CA10: variants seen among roughly 807,000 people sequenced by gnomAD.
CA10 encodes the protein carbonic anhydrase 10 (inactive), also known as carbonic anhydrase-related protein 10.
In CA10, 14 loss-of-function variants were observed where a neutral mutation model predicts 44.2. That is an observed-to-expected ratio of 0.32 (90% CI 0.21 to 0.50). The LOEUF (loss-of-function observed/expected upper bound fraction) is 0.50. Among genes scored for constraint, CA10 ranks in the 20% least tolerant of loss-of-function variants. The pLI is 0.99. For missense variants in CA10, 350 were observed against 409.7 expected (o/e 0.85, Z 1.26); for synonymous variants, 159 against 141.6 (o/e 1.12, Z -0.87).
At chr17:51,754,543 G>GT (rs935326637) in intron 3 of CA10, among the ~76,000 whole-genome samples, 15 of 150,848 alleles carry the variant, frequency 9.9e-5, no homozygotes, top group African/African-American at 2.4e-5. Flanking sequence ...AGCTGATGCT[G>GT]TAGTTTACCT....
At chr17:51,881,046 G>A (rs1980344172) in intron 3 of CA10, among the ~76,000 whole-genome samples, 1 of 151,808 alleles carries the variant, frequency 6.6e-6, no homozygotes, top group Non-Finnish European at 1.5e-5. Context: ...GACCATCCTG[G>A]CTAATACGGT....
chr17:51,746,524 C>A, intron 4 of CA10, among the ~76,000 whole-genome samples: 1 of 152,192 alleles, frequency 6.6e-6, no homozygotes, highest in Non-Finnish European at 1.5e-5. Flanking sequence ...TCTCCTGACC[C>A]CTTCAAGCAA....
intron 4 of CA10, among the ~76,000 whole-genome samples, chr17:51,668,254 C>CA (rs1914279903): frequency 6.6e-6 from 1 of 152,206 alleles, no homozygotes; most frequent in Non-Finnish European, 1.5e-5. Flanking sequence ...ATGCCAGCTA[C>CA]TGTACCAGGG....
chr17:51,760,400 A>G (rs1905187206), intron 3 of CA10, among the ~76,000 whole-genome samples: 1 of 152,198 alleles, frequency 6.6e-6, no homozygotes, highest in Admixed American at 6.5e-5. Context: ...AGACAGCCAC[A>G]GTGGTCAGCA....
intron 2 of CA10, among the ~76,000 whole-genome samples, chr17:51,978,337 G>GAAATA (rs1285382759): frequency 1.3e-5 from 2 of 151,814 alleles, no homozygotes; most frequent in East Asian, 3.9e-4. Flanking sequence ...TAAGAGCCCA[G>GAAATA]AAATAGATCC....
At chr17:51,804,653 G>A (rs1047578860) in intron 3 of CA10, among the ~76,000 whole-genome samples, 17 of 152,152 alleles carry the variant, frequency 1.1e-4, no homozygotes, top group African/African-American at 4.1e-4. Context: ...GCACCAAAGA[G>A]AACAAATGAA....
chr17:52,035,496 CA>C (rs1986590967), intron 2 of CA10, among the ~76,000 whole-genome samples: 3 of 152,052 alleles, frequency 2.0e-5, no homozygotes, highest in African/African-American at 7.2e-5. Flanking sequence ...AGTGTAGATA[CA>C]AAAAGCTGTC....
At chr17:51,781,736 C>T (rs1906068329) in intron 3 of CA10, among the ~76,000 whole-genome samples, 1 of 152,212 alleles carries the variant, frequency 6.6e-6, no homozygotes, top group African/African-American at 2.4e-5. Flanking sequence ...TTAAGTCCCA[C>T]CTTTATCCCT....
chr17:51,810,163 G>A (rs1020803224), intron 3 of CA10, among the ~76,000 whole-genome samples: 2 of 152,050 alleles, frequency 1.3e-5, no homozygotes, highest in Non-Finnish European at 2.9e-5. Context: ...GATCAACATT[G>A]GTTATGTTTC....
intron 3 of CA10, among the ~76,000 whole-genome samples, chr17:51,897,717 G>A (rs1598106222): frequency 6.6e-6 from 1 of 152,072 alleles, no homozygotes. Flanking sequence ...GTTCCCATTT[G>A]TTTTTGTCAT....
In CA10 at chr17:51,823,502, G is replaced by T. The variant is rs146476428; in HGVS notation, c.280-75684C>A. Among the ~76,000 whole-genome samples the T allele has an allele frequency of 1.3e-3, 195 of 152,224 alleles. 1 individual carries two copies. Among genetic ancestry groups the T allele is most frequent in the African/African-American group, 4.2e-3 (176 of 41,524 alleles). On this transcript the variant is annotated intron_variant, in intron 3 of 8. Transcript: ENST00000451037. ...CATTTTTACTCTCTTCTGCATATCT[G>T]GGTTCTCCTCTGTTCTCTCGGGAAG...
At chr17:51,675,532 G>A (rs1914594153) in intron 4 of CA10, among the ~76,000 whole-genome samples, 1 of 140,272 alleles carries the variant, frequency 7.1e-6, no homozygotes, top group South Asian at 2.4e-4. Flanking sequence ...CTGGGTGACA[G>A]AGTAAGACTC....
At chr17:52,072,158 A>G (rs1418371956) in intron 2 of CA10, among the ~76,000 whole-genome samples, 161 bp downstream of exon 2, 1 of 152,238 alleles carries the variant, frequency 6.6e-6, no homozygotes, top group Non-Finnish European at 1.5e-5. Flanking sequence ...AAAAAAAGTA[A>G]TCTAATTGCC....
rs1984612010 is a variant in CA10, at chr17:51,980,347, T to A, written c.137-49215A>T. Among the ~76,000 whole-genome samples, 3 of 152,284 alleles carry A rather than the reference T, an allele frequency of 2.0e-5. No individual in the cohort carries two copies. The South Asian group carries it at 6.2e-4, about 32-fold the overall frequency. On this transcript the variant is annotated intron_variant, in intron 2 of 8. Transcript: ENST00000451037. The stretch of plus-strand genomic sequence containing the variant: ...GTGTCTTCTTTTGAAAAGTGTCCCT[T>A]CATGTCCTTTGCCCACTTTTTAATG...
intron 3 of CA10, among the ~76,000 whole-genome samples, chr17:51,753,072 C>T (rs1372035808): frequency 2.6e-5 from 4 of 152,134 alleles, no homozygotes; most frequent in Non-Finnish European, 4.4e-5. Context: ...TAATTGGATG[C>T]TAGCCTGCTG....
intron 3 of CA10, among the ~76,000 whole-genome samples, chr17:51,865,349 G>A (rs893024834): frequency 2.0e-5 from 3 of 152,200 alleles, no homozygotes; most frequent in African/African-American, 7.2e-5. Context: ...TAAAATCTGG[G>A]TCTGGAACAT....
At chr17:51,692,406 TCTATCTATCTATCTATCTATTTTACCA>T (rs1289713687) in intron 4 of CA10, among the ~76,000 whole-genome samples, 65 of 129,928 alleles carry the variant, frequency 5.0e-4, no homozygotes, top group South Asian at 1.0e-3. Context: ...TATCTATCTA[TCTATCTATCTATCTATCTATTTTACCA>T]TTTACCATGG....
chr17:51,863,867 T>G (rs1214611829), intron 3 of CA10, among the ~76,000 whole-genome samples: 1 of 152,202 alleles, frequency 6.6e-6, no homozygotes, highest in African/African-American at 2.4e-5. Flanking sequence ...CTTATAGGAC[T>G]GCCAACCGGG....
intron 3 of CA10, among the ~76,000 whole-genome samples, chr17:51,821,857 G>T (rs951417154): frequency 6.6e-6 from 1 of 152,136 alleles, no homozygotes; most frequent in Non-Finnish European, 1.5e-5. Flanking sequence ...GTTATCTATT[G>T]GCTGTGACCT....
Sources: allele counts gnomAD v4.1 joint callset (sites outside exome capture counted in the v4.1 genomes callset), GRCh38; gene constraint gnomAD v4.1.1; transcripts MANE v1.5; gene names NCBI Gene and HGNC (gene_info 2026-07-23, HGNC 2026-07-21).